The following OTOG variants were observed in gnomAD, a reference collection of about 807,000 sequenced individuals.
OTOG encodes otogelin.
A neutral mutation model predicts 313.8 loss-of-function variants in OTOG; 296 were observed. That is an observed-to-expected ratio of 0.94 (90% confidence interval 0.86 to 1.04). The LOEUF is 1.04. OTOG is among the 50% of genes least tolerant of loss of function. The pLI is 0.00. For missense variants in OTOG, 3,948 were observed against 3,840.1 expected, an observed-to-expected ratio of 1.03 and a Z score of -0.74; for synonymous variants, 1,533 against 1,554.9, an observed-to-expected ratio of 0.99 and a Z score of 0.33.
At chr11:17,597,869 A>G (rs1853152403) in intron 30 of OTOG, among the ~76,000 whole-genome samples, 2 of 152,316 alleles carry the variant, frequency 1.3e-5, no homozygotes, top group African/African-American at 4.8e-5. Flanking sequence ...GGCCTGGGAC[A>G]TATTCCTCAC....
Position 17,611,969 on chromosome 11 carries a change from C to T in OTOG, c.6124-193C>T, listed in dbSNP as rs76604911. On this transcript the variant is annotated intron_variant, in intron 36 of 55. Transcript: ENST00000399397. ...GAGGTCTCAGGGAATAGGTCCCTGA[C>T]CCCCGAGCTCACACTAAGTGCATCG... Among the ~76,000 whole-genome samples, 1,420 of 152,210 alleles carry T rather than the reference C, an allele frequency of 9.3e-3. 21 individuals are homozygous for T. The highest frequency in any genetic ancestry group is 0.033 in the African/African-American group (1,356 of 41,508).
chr11:17,584,548 CAG>C (rs1451127467), intron 23 of OTOG, among the ~76,000 whole-genome samples: 2 of 146,460 alleles, frequency 1.4e-5, no homozygotes, highest in African/African-American at 2.5e-5. Context: ...TTTTTTGAAA[CAG>C]AGTCTCAATC....
intron 40 of OTOG, among the ~76,000 whole-genome samples, chr11:17,631,418 A>T (rs148499127): frequency 7.4e-4 from 112 of 151,266 alleles, no homozygotes; most frequent in African/African-American, 2.5e-3. Flanking sequence ...TTATATGCAC[A>T]TGCAATACAT....
chr11:17,642,654 C>T (rs1325127167), intron 53 of OTOG, among the ~76,000 whole-genome samples: 1 of 152,206 alleles, frequency 6.6e-6, no homozygotes, highest in East Asian at 1.9e-4. Context: ...AGATGCAGTT[C>T]AGTCCTGTGA....
At chr11:17,606,366 C>T (rs929981456) in intron 33 of OTOG, among the ~76,000 whole-genome samples, 3 of 152,254 alleles carry the variant, frequency 2.0e-5, no homozygotes, top group Non-Finnish European at 4.4e-5. Flanking sequence ...TTCCTGGGTC[C>T]TGCCTTCTGC....
At chr11:17,571,866 A>G (rs1003025412) in intron 17 of OTOG, among the ~76,000 whole-genome samples, 1 of 152,062 alleles carries the variant, frequency 6.6e-6, no homozygotes, top group African/African-American at 2.4e-5. Context: ...TGTCTGGCAT[A>G]TATTTGTGCT....
At chr11:17,603,189 C>A (rs986973010) in intron 32 of OTOG, among the ~76,000 whole-genome samples, 1 of 151,990 alleles carries the variant, frequency 6.6e-6, no homozygotes, top group Non-Finnish European at 1.5e-5. Flanking sequence ...GTAGGTGGTA[C>A]CTGGCAGAAT....
intron 23 of OTOG, among the ~76,000 whole-genome samples, chr11:17,585,661 T>C (rs538951188): frequency 4.8e-4 from 73 of 152,274 alleles, no homozygotes; most frequent in Non-Finnish European, 6.3e-4. Flanking sequence ...CCATTTTCTG[T>C]CTGCTCCCCT....
At position 17,642,162 on chromosome 11, in the gene OTOG, C is replaced by T. The variant is rs1565131945; in HGVS notation, c.8331C>T (p.His2777=). The part of the protein sequence containing the change: ...GASWIADCAR[H]HCSSTPLGAV... ...CCTGGATCGCAGACTGCGCCCGCCA[C>T]CACTGCAGCAGCACGCCCCTGGGTG... Residue 2777 remains histidine (H), a synonymous_variant, in exon 53 of 56, where the codon CAC becomes CAT. Coordinates refer to ENST00000399397, the MANE Select transcript of OTOG (RefSeq NM_001292063.2). The T allele has an allele frequency of 1.3e-6, 2 of 1,549,986 alleles. No homozygotes were observed. The highest frequency in any genetic ancestry group is 2.0e-5 in the Admixed American group (1 of 50,988).
At chr11:17,575,781 C>T (rs924332249) in intron 20 of OTOG, among the ~76,000 whole-genome samples, 2 of 152,184 alleles carry the variant, frequency 1.3e-5, no homozygotes, top group Non-Finnish European at 2.9e-5. Context: ...CCTGGAGGCT[C>T]TCACCCCTTG....
intron 15 of OTOG, 120 bp from the exon 16 acceptor site, chr11:17,569,036 C>A: frequency 2.5e-6 from 3 of 1,202,538 alleles, no homozygotes; most frequent in Non-Finnish European, 3.5e-6. Flanking sequence ...GGGGCTCTGT[C>A]TGTCATTCTG....
At chr11:17,583,953 A>G (rs1261215241) in intron 23 of OTOG, among the ~76,000 whole-genome samples, 3 of 151,904 alleles carry the variant, frequency 2.0e-5, no homozygotes, top group Non-Finnish European at 4.4e-5. Flanking sequence ...ATATGGTATT[A>G]TTTTCTTATT....
intron 15 of OTOG, among the ~76,000 whole-genome samples, chr11:17,566,888 C>T (rs186620318): frequency 7.9e-5 from 12 of 152,310 alleles, no homozygotes; most frequent in Admixed American, 7.2e-4. Flanking sequence ...TTGTTATCAT[C>T]TACATTTCAT....
chr11:17,597,147 A>T, intron 30 of OTOG, 140 bp downstream of exon 30: 1 of 1,144,648 alleles, frequency 8.7e-7, no homozygotes, highest in South Asian at 1.6e-5. Flanking sequence ...CGTGTTATTC[A>T]TTGAATTCTT....
At position 17,593,281 on chromosome 11, in the gene OTOG, A is replaced by AC. The variant is rs1178783700; in HGVS notation, c.3096dup (p.Val1033ArgfsTer9). 2 of 1,550,566 alleles carry AC rather than the reference A, an allele frequency of 1.3e-6. No individual in the cohort carries two copies. The highest frequency in any genetic ancestry group is 2.4e-5 in the South Asian group (2 of 84,060). On this transcript the variant is annotated frameshift_variant, in exon 26 of 56. Transcript: ENST00000399397. LOFTEE classifies it high-confidence loss of function. ...ATCTGCAGGAAATTTATTTCCATCA[A>AC]CGTTGGGAACTCACTCATTGTCTTT...
intron 47 of OTOG, among the ~76,000 whole-genome samples, chr11:17,637,883 C>T (rs740322): frequency 0.025 from 3,801 of 152,296 alleles, 166 homozygotes; most frequent in African/African-American, 0.086. Context: ...TGCTGACCCT[C>T]GCCCCTCCCC....
At chr11:17,566,866 A>G (rs1852302643) in intron 15 of OTOG, among the ~76,000 whole-genome samples, 2 of 152,204 alleles carry the variant, frequency 1.3e-5, no homozygotes, top group South Asian at 4.1e-4. Context: ...TTTGTAATGC[A>G]GTTAGATTCT....
At chr11:17,578,600 G>A in intron 23 of OTOG, 74 bp downstream of exon 23, 5 of 1,444,886 alleles carry the variant, frequency 3.5e-6, no homozygotes, top group Non-Finnish European at 2.7e-6. Flanking sequence ...TGGAGTGGGG[G>A]CAGGGAAAAC....
Position 17,645,812 on chromosome 11 carries a change from T to C in OTOG, c.8610T>C (p.Tyr2870=), listed in dbSNP as rs1050131570. ...ASIYNYNINT[Y]ARFCKCCREV... is the part of the protein sequence containing the mutation. Reference sequence around the variant, plus strand: ...TCTACAACTACAACATCAACACCTATGCCCGATTCTGCAAGTGCTGCCGTG... The same window carrying C: ...TCTACAACTACAACATCAACACCTACGCCCGATTCTGCAAGTGCTGCCGTG... The change falls in exon 56 of 56, where the codon TAT becomes TAC. Residue 2870 remains tyrosine (Y), a synonymous_variant. Transcript: ENST00000399397. 2 of 1,551,050 alleles carry C rather than the reference T, an allele frequency of 1.3e-6. No individual in the cohort carries two copies. Among genetic ancestry groups the C allele is most frequent in the Admixed American group, 2.0e-5 (1 of 51,016 alleles).
Sources: gnomAD v4.1 joint callset for allele counts (sites outside exome capture counted in the v4.1 genomes callset) on GRCh38, gnomAD v4.1.1 for gene constraint, MANE v1.5 for transcripts, NCBI Gene and HGNC (gene_info 2026-07-23, HGNC 2026-07-21) for gene names.